Variants in AATF observed in about 807,000 individuals in gnomAD.
The protein encoded by AATF is protein AATF.
A neutral mutation model predicts 63.7 loss-of-function variants in AATF; 48 were observed. The observed-to-expected ratio is 0.75, with a 90% CI of 0.60 to 0.96. The LOEUF is 0.96. AATF is among the 40% of genes least tolerant of loss of function. The pLI is 0.00. For missense variants in AATF, 639 were observed against 685.7 expected, an observed-to-expected ratio of 0.93 and a Z score of 0.76; for synonymous variants, 258 against 247.7, an observed-to-expected ratio of 1.04 and a Z score of -0.39.
intron 8 of AATF, among the ~76,000 whole-genome samples, chr17:37,002,362 A>G (rs2071305904): frequency 6.6e-6 from 1 of 152,084 alleles, no homozygotes. Flanking sequence ...AATTAGAAAA[A>G]TAATTCCATT....
At chr17:36,975,777 G>A (rs2071075385) in intron 4 of AATF, among the ~76,000 whole-genome samples, 1 of 152,204 alleles carries the variant, frequency 6.6e-6, no homozygotes, top group Non-Finnish European at 1.5e-5. Context: ...CTCATCAGTT[G>A]TGTACGCAGA....
chr17:36,990,267 C>G (rs531742681), intron 7 of AATF, among the ~76,000 whole-genome samples: 79 of 152,190 alleles, frequency 5.2e-4, no homozygotes, highest in Non-Finnish European at 1.0e-3. Context: ...TCCTAATGAC[C>G]TCAAAGTATT....
chr17:37,004,617 A>G (rs896720587), intron 8 of AATF, among the ~76,000 whole-genome samples: 2 of 152,110 alleles, frequency 1.3e-5, no homozygotes, highest in African/African-American at 4.8e-5. Context: ...GCAGGGAGGT[A>G]AGGGGTGAGA....
intron 8 of AATF, among the ~76,000 whole-genome samples, chr17:37,018,757 T>C (rs1388026381): frequency 6.6e-6 from 1 of 152,194 alleles, no homozygotes; most frequent in African/African-American, 2.4e-5. Context: ...CTATTTGAAA[T>C]GAACTGCGGT....
At chr17:37,040,726 A>C (rs908196768) in intron 11 of AATF, among the ~76,000 whole-genome samples, 2 of 119,126 alleles carry the variant, frequency 1.7e-5, no homozygotes, top group East Asian at 2.1e-4. Flanking sequence ...GGGGGGGGGA[A>C]CTTCTTTAGA....
chr17:36,966,897 C>G (rs2070995894), intron 4 of AATF, among the ~76,000 whole-genome samples: 1 of 152,122 alleles, frequency 6.6e-6, no homozygotes, highest in African/African-American at 2.4e-5. Context: ...AGCCACTGTG[C>G]CCTCATTTTA....
chr17:36,964,242 G>T, intron 4 of AATF, among the ~76,000 whole-genome samples: 1 of 151,130 alleles, frequency 6.6e-6, no homozygotes. Context: ...CCAGCAGAGA[G>T]GGGGAAATTG....
At chr17:36,971,781 T>A (rs1214352597) in intron 4 of AATF, among the ~76,000 whole-genome samples, 1 of 152,206 alleles carries the variant, frequency 6.6e-6, no homozygotes, top group South Asian at 2.1e-4. Flanking sequence ...TTATACTAAG[T>A]GAAATATGCC....
chr17:37,022,936 C>T (rs2071484190), intron 10 of AATF, among the ~76,000 whole-genome samples: 1 of 152,116 alleles, frequency 6.6e-6, no homozygotes, highest in South Asian at 2.1e-4. Flanking sequence ...TCCCCCCAGC[C>T]CCCTTCAAGG....
intron 11 of AATF, among the ~76,000 whole-genome samples, chr17:37,044,323 C>T (rs1322968341): frequency 2.0e-5 from 3 of 152,248 alleles, no homozygotes; most frequent in South Asian, 4.1e-4. Flanking sequence ...CGCTTGAGGG[C>T]CGGCTCCTTA....
At chr17:36,968,919 C>T (rs555254796) in intron 4 of AATF, among the ~76,000 whole-genome samples, 1 of 152,304 alleles carries the variant, frequency 6.6e-6, no homozygotes, top group South Asian at 2.1e-4. Flanking sequence ...TGAACTTTAG[C>T]GCCTGGCCTA....
chr17:36,958,942 C>T (rs1446980609), intron 4 of AATF, among the ~76,000 whole-genome samples: 7 of 151,742 alleles, frequency 4.6e-5, no homozygotes, highest in South Asian at 2.1e-4. Context: ...GTCAGGAGTT[C>T]GAGGCCAACC....
chr17:36,965,968 A>T (rs905164891), intron 4 of AATF, among the ~76,000 whole-genome samples: 1 of 151,986 alleles, frequency 6.6e-6, no homozygotes, highest in African/African-American at 2.4e-5. Context: ...ATGTCTAAGT[A>T]TGGGTCATTT....
At chr17:37,019,126 C>G in intron 9 of AATF, 54 bp downstream of exon 9, 1 of 1,390,880 alleles carries the variant, frequency 7.2e-7, no homozygotes. Context: ...ATAGTTTCTC[C>G]CCTTGAGTCC....
chr17:37,006,146 A>G (rs2142269883), intron 8 of AATF, among the ~76,000 whole-genome samples: 1 of 151,882 alleles, frequency 6.6e-6, no homozygotes, highest in East Asian at 1.9e-4. Flanking sequence ...CTAAAAAAAG[A>G]AAAAAAAGAG....
At chr17:36,982,599 G>A (rs1041509867) in intron 4 of AATF, among the ~76,000 whole-genome samples, 3 of 151,958 alleles carry the variant, frequency 2.0e-5, no homozygotes, top group Admixed American at 6.6e-5. Flanking sequence ...GTGACCACCC[G>A]TCTCAGCCTC....
intron 8 of AATF, among the ~76,000 whole-genome samples, chr17:37,004,221 C>G (rs1223434825): frequency 1.3e-5 from 2 of 151,842 alleles, no homozygotes; most frequent in Non-Finnish European, 2.9e-5. Flanking sequence ...ATCCCAGCTA[C>G]TTGGGAGGCC....
intron 1 of AATF, 101 bp from the exon 2 acceptor site, chr17:36,950,113 G>A: frequency 7.6e-7 from 1 of 1,322,760 alleles, no homozygotes; most frequent in Non-Finnish European, 1.1e-6. Context: ...TGGGGATTTC[G>A]TAAAGGACGT....
At chr17:36,975,638 C>T (rs1336663628) in intron 4 of AATF, among the ~76,000 whole-genome samples, 1 of 152,082 alleles carries the variant, frequency 6.6e-6, no homozygotes, top group African/African-American at 2.4e-5. Flanking sequence ...ATTTTTGTAC[C>T]TACCTCTTTG....
Sources: allele counts gnomAD v4.1 joint callset (sites outside exome capture counted in the v4.1 genomes callset), GRCh38; gene constraint gnomAD v4.1.1; transcripts MANE v1.5; gene names NCBI Gene and HGNC (gene_info 2026-07-23, HGNC 2026-07-21).